The following CTSZ variants were observed in gnomAD, a reference collection of about 807,000 sequenced individuals.
CTSZ encodes the protein cathepsin Z, also known as carboxypeptidase LB.
Under a neutral mutation model 32.4 loss-of-function variants are expected in CTSZ, and 39 were observed. That is an observed-to-expected ratio of 1.20 (90% CI 0.93 to 1.57). The LOEUF (loss-of-function observed/expected upper bound fraction) is 1.57. Among genes scored for constraint, CTSZ ranks in the 40% most tolerant of loss-of-function variants. The pLI, the probability that CTSZ is intolerant of heterozygous loss-of-function variation, is 0.00. For missense variants in CTSZ, 397 were observed against 419.6 expected (o/e 0.95, Z 0.47); for synonymous variants, 168 against 170.1 (o/e 0.99, Z 0.10).
chr20:58,995,818 G>C, intron 5 of CTSZ, 59 bp from the exon 6 acceptor site: 1 of 1,493,928 alleles, frequency 6.7e-7, no homozygotes, highest in Non-Finnish European at 9.3e-7. Context: ...TCCCCTTGCT[G>C]CCGTCAGCCC....
Position 58,996,528 on chromosome 20 carries a change from C to T in CTSZ, c.801+111G>A. On this transcript the variant is annotated intron_variant, in intron 5 of 5. Coordinates refer to ENST00000217131, the MANE Select transcript of CTSZ (RefSeq NM_001336.4). The stretch of plus-strand genomic sequence containing the variant: ...GGCTGAGACAGCTGGAGCAAGGAAC[C>T]CTCTGTCAAGGCCCCAGTTTTTAGC... The T allele has an allele frequency of 2.6e-6, 3 of 1,174,424 alleles. No individual in the cohort carries two copies. In the South Asian group the frequency reaches 4.0e-5, roughly 15 times the overall value. The allele number at this position is 1,174,424 out of a possible 1,614,324, so 72.8% of individuals were successfully genotyped here.
rs163796 is a variant in CTSZ, at chr20:59,002,512, A to G, written c.308-868T>C. ...CTCCCCCAGGGCACAATGAGCAGGGAGTCCCTCTGCCCATTGGCAGCCCCC... is the reference window on the plus strand; with the variant it reads ...CTCCCCCAGGGCACAATGAGCAGGGGGTCCCTCTGCCCATTGGCAGCCCCC... On this transcript the variant is annotated intron_variant, in intron 2 of 5. Transcript: ENST00000217131. The surrounding 1 kb of genome is among the most constrained non-coding windows in gnomAD (Gnocchi z 4.1). Among the ~76,000 whole-genome samples the G allele has an allele frequency of 0.65, 98,885 of 151,730 alleles. 32,635 individuals carry two copies. Among genetic ancestry groups the G allele is most frequent in the East Asian group, 0.78 (4,006 of 5,120 alleles).
rs2091863483 is a variant in CTSZ at position 58,996,943 on chromosome 20, G to T, written c.639-142C>A. 14 of 846,694 alleles carry T rather than the reference G, an allele frequency of 1.7e-5. No individual in the cohort carries two copies. The South Asian group carries it at 2.4e-4, about 15-fold the overall frequency. The allele number at this position is 846,694 out of a possible 1,614,324, so 52.4% of individuals were successfully genotyped here. A position where few individuals can be genotyped will look rare whatever the true frequency, so the allele number is the denominator to read the frequency against. Reference sequence around the variant, plus strand: ...AGGCCGAGGCAGGTGGATCGCTTGAGTCCAGGAATTCAAGACCAGCCTGGG... The same window carrying T: ...AGGCCGAGGCAGGTGGATCGCTTGATTCCAGGAATTCAAGACCAGCCTGGG... On this transcript the variant is annotated intron_variant, in intron 4 of 5. Coordinates refer to ENST00000217131, the MANE Select transcript of CTSZ (RefSeq NM_001336.4).
chr20:58,998,470 C>T (rs986641878), intron 3 of CTSZ, among the ~76,000 whole-genome samples: 5 of 150,922 alleles, frequency 3.3e-5, no homozygotes, highest in African/African-American at 9.8e-5. Context: ...CGCTTGAACC[C>T]GGGAGGCAGA....
At chr20:59,005,219 G>A (rs1601228336) in intron 2 of CTSZ, among the ~76,000 whole-genome samples, 1 of 152,074 alleles carries the variant, frequency 6.6e-6, no homozygotes. Context: ...GCCCCCGGGG[G>A]AGACGCCACG....
At chr20:58,995,842 T>C in intron 5 of CTSZ, 83 bp from the exon 6 acceptor site, 1 of 1,254,692 alleles carries the variant, frequency 8.0e-7, no homozygotes, top group Non-Finnish European at 1.1e-6. Flanking sequence ...GCCCCCTGCT[T>C]TCTGCCTCCA....
intron 2 of CTSZ, 75 bp downstream of exon 2, chr20:59,006,247 G>A: frequency 6.7e-7 from 1 of 1,484,988 alleles, no homozygotes; most frequent in Non-Finnish European, 9.0e-7. Flanking sequence ...GGAACCGCGG[G>A]CTGAGCTGCC....
At chr20:59,000,602 G>C (rs772069917) in intron 3 of CTSZ, among the ~76,000 whole-genome samples, 19 of 152,136 alleles carry the variant, frequency 1.2e-4, no homozygotes, top group Admixed American at 3.3e-4. Flanking sequence ...CCAAGCCAAT[G>C]GCTCCTTCCA....
chr20:58,998,495 A>G (rs912391126), intron 3 of CTSZ, among the ~76,000 whole-genome samples: 2 of 151,414 alleles, frequency 1.3e-5, no homozygotes, highest in Admixed American at 1.3e-4. Flanking sequence ...GCAGTGAGCC[A>G]GGATCGCGCC....
intron 3 of CTSZ, among the ~76,000 whole-genome samples, chr20:59,000,588 G>A (rs1568682828): frequency 6.6e-6 from 1 of 152,142 alleles, no homozygotes. Flanking sequence ...CACCAGAACA[G>A]GAACCAAGCC....
chr20:58,997,735 T>C lies in CTSZ; in HGVS notation c.506A>G (p.Gln169Arg). 6.2e-7 allele frequency: 1 copy of C among 1,607,620 alleles called. No homozygotes were observed. The highest frequency in any genetic ancestry group is 8.5e-7 in the Non-Finnish European group (1 of 1,177,068). The change falls in exon 4 of 6, where the codon CAA becomes CGA. Residue 169 changes from glutamine to arginine, a missense_variant. Physicochemically the swap from Gln to Arg is conservative, Grantham distance 43. Coordinates refer to ENST00000217131, the MANE Select transcript of CTSZ (RefSeq NM_001336.4). ...TTTGAATTCATTGCATGTCCCACAT[T>C]GGTTAAACTTGTCACACTCTGGGGG... ...AKDQECDKFN[Q>R]CGTCNEFKEC...
At chr20:58,999,278 C>T (rs181078105) in intron 3 of CTSZ, among the ~76,000 whole-genome samples, 71 of 152,230 alleles carry the variant, frequency 4.7e-4, no homozygotes, top group African/African-American at 1.7e-3. Context: ...TCAAGTGATC[C>T]GCCCGCCTCA....
At chr20:59,000,548 A>G (rs2091884636) in intron 3 of CTSZ, among the ~76,000 whole-genome samples, 1 of 152,098 alleles carries the variant, frequency 6.6e-6, no homozygotes, top group Admixed American at 6.6e-5. Context: ...CCGTAGCCGC[A>G]CCTGAATGTG....
intron 3 of CTSZ, among the ~76,000 whole-genome samples, chr20:58,998,108 C>A (rs566509421): frequency 8.5e-5 from 13 of 152,158 alleles, no homozygotes; most frequent in African/African-American, 2.9e-4. Context: ...AATAAAATGT[C>A]TCTATTGCTG....
At chr20:59,001,336 C>T in intron 3 of CTSZ, 129 bp downstream of exon 3, 2 of 1,113,490 alleles carry the variant, frequency 1.8e-6, no homozygotes, top group South Asian at 1.6e-5. Context: ...AACCTCTGCC[C>T]TCCCGCAGCT....
Position 58,996,769 on chromosome 20 carries a change from T to G in CTSZ, c.671A>C (p.Asn224Thr). The G allele has an allele frequency of 6.2e-7, 1 of 1,614,158 alleles. No individual in the cohort carries two copies. Residue 224 changes from asparagine to threonine, a missense_variant, in exon 5 of 6, where the codon AAC becomes ACC. Asn to Thr is a moderately conservative substitution (Grantham distance 65, BLOSUM62 0). Coordinates refer to ENST00000217131, the MANE Select transcript of CTSZ (RefSeq NM_001336.4). ...CGIMATERLA[N>T]YTGGIYAEYQ... ...TTCGGCATAGATGCCTCCGGTGTAG[T>G]TAGCCAGTCTTTCTGTTGCCATTAT...
intron 3 of CTSZ, among the ~76,000 whole-genome samples, chr20:59,000,273 G>A (rs1422485457): frequency 6.6e-6 from 1 of 152,164 alleles, no homozygotes; most frequent in Non-Finnish European, 1.5e-5. Flanking sequence ...AGCTACTCAG[G>A]AGGCTGAGGC....
chr20:58,996,484 C>T, intron 5 of CTSZ, 155 bp downstream of exon 5: 1 of 775,590 alleles, frequency 1.3e-6, no homozygotes. Flanking sequence ...GGTCTGGCCC[C>T]AAAAGCCACT....
intron 3 of CTSZ, among the ~76,000 whole-genome samples, chr20:59,000,918 C>T (rs1246375967): frequency 1.3e-5 from 2 of 151,486 alleles, no homozygotes; most frequent in African/African-American, 2.4e-5. Context: ...CAACCTCTGC[C>T]TCCCGGGTCA....
Sources: allele counts gnomAD v4.1 joint callset (sites outside exome capture counted in the v4.1 genomes callset), GRCh38; gene constraint gnomAD v4.1.1; non-coding constraint Gnocchi (gnomAD v3.1); transcripts MANE v1.5; gene names NCBI Gene and HGNC (gene_info 2026-07-23, HGNC 2026-07-21).